The following SLC25A48 variants were observed in gnomAD, a reference collection of about 807,000 sequenced individuals.
SLC25A48 encodes CTC-321K16.1.
Under a neutral mutation model 32.2 loss-of-function variants are expected in SLC25A48, and 29 were observed. The observed-to-expected ratio is 0.90, with a 90% CI of 0.67 to 1.23. The LOEUF (loss-of-function observed/expected upper bound fraction) is 1.23. Among genes scored for constraint, SLC25A48 ranks in the 50% most tolerant of loss-of-function variants. The pLI is 0.00. For missense variants in SLC25A48, 399 were observed against 422.7 expected (o/e 0.94, Z 0.49); for synonymous variants, 164 against 172.3 (o/e 0.95, Z 0.38).
At chr5:135,801,968 A>C (rs1181471313) in intron 3 of SLC25A48, among the ~76,000 whole-genome samples, 1 of 151,870 alleles carries the variant, frequency 6.6e-6, no homozygotes, top group Non-Finnish European at 1.5e-5. Context: ...CAGTGGGTGT[A>C]CACCCCAATG....
At chr5:135,636,983 G>A (rs1443324715) in intron 3 of SLC25A48, among the ~76,000 whole-genome samples, 2 of 60,474 alleles carry the variant, frequency 3.3e-5, no homozygotes, top group African/African-American at 4.9e-5. Context: ...TTACGAGTAG[G>A]GTGGAAATAT....
intron 7 of SLC25A48, among the ~76,000 whole-genome samples, chr5:135,884,948 T>C (rs1238547066): frequency 6.6e-6 from 1 of 152,108 alleles, no homozygotes; most frequent in Non-Finnish European, 1.5e-5. Flanking sequence ...GAGAGAAGCA[T>C]TGCTGATCCA....
At chr5:135,657,271 A>G (rs1255366314) in intron 3 of SLC25A48, among the ~76,000 whole-genome samples, 4 of 151,882 alleles carry the variant, frequency 2.6e-5, no homozygotes, top group African/African-American at 9.7e-5. Context: ...CCAAATACAC[A>G]AAGTTTTCTT....
chr5:135,692,818 GC>G (rs1754177674), intron 3 of SLC25A48, among the ~76,000 whole-genome samples: 1 of 152,228 alleles, frequency 6.6e-6, no homozygotes, highest in African/African-American at 2.4e-5. Context: ...AATTAAACCT[GC>G]CACTCAACTA....
chr5:135,637,884 C>G (rs954639808), intron 3 of SLC25A48, among the ~76,000 whole-genome samples: 1 of 152,126 alleles, frequency 6.6e-6, no homozygotes, highest in Non-Finnish European at 1.5e-5. Flanking sequence ...AGCTCAAGTA[C>G]TTTGATTCCT....
At chr5:135,732,421 T>C (rs1755248047) in intron 3 of SLC25A48, among the ~76,000 whole-genome samples, 1 of 152,204 alleles carries the variant, frequency 6.6e-6, no homozygotes, top group South Asian at 2.1e-4. Context: ...TGATAGTGTC[T>C]ACCCAGACCA....
chr5:135,769,254 A>C (rs1756333695), intron 3 of SLC25A48, among the ~76,000 whole-genome samples: 1 of 50,384 alleles, frequency 2.0e-5, no homozygotes, highest in African/African-American at 4.7e-5. Flanking sequence ...TTTTGTTTGC[A>C]ATATTGGGGG....
rs1752515377 is a variant in SLC25A48 at position 135,629,812 on chromosome 5, T to G, written c.-709+436T>G. On this transcript the variant is annotated intron_variant, in intron 2 of 10. Coordinates refer to the SLC25A48 transcript ENST00000646290. The surrounding 1 kb of genome is among the most constrained non-coding windows in gnomAD (Gnocchi z 4.8). The stretch of plus-strand genomic sequence containing the variant: ...ACTCTCCAGCACTTCTGGCCTGCTC[T>G]GCACATGGGCTGAGTGGGCCCATTG... Among the ~76,000 whole-genome samples the G allele has an allele frequency of 6.6e-6, 1 of 152,188 alleles. No individual in the cohort carries two copies. The highest frequency in any genetic ancestry group is 2.1e-4 in the South Asian group (1 of 4,828).
At chr5:135,725,644 G>A (rs753998742) in intron 3 of SLC25A48, among the ~76,000 whole-genome samples, 36 of 152,038 alleles carry the variant, frequency 2.4e-4, no homozygotes, top group Non-Finnish European at 4.9e-4. Context: ...TTTCCCTCTC[G>A]TGGGCTCCTG....
At chr5:135,675,890 G>A (rs752636709) in intron 3 of SLC25A48, among the ~76,000 whole-genome samples, 3 of 151,942 alleles carry the variant, frequency 2.0e-5, no homozygotes, top group Non-Finnish European at 2.9e-5. Flanking sequence ...TCAGTGTTTT[G>A]TAGTTTTCCT....
At chr5:135,619,988 G>T (rs1752284990) in intron 1 of SLC25A48, among the ~76,000 whole-genome samples, 1 of 152,208 alleles carries the variant, frequency 6.6e-6, no homozygotes, top group African/African-American at 2.4e-5. Context: ...TGGCTTGCTT[G>T]GGTGCCAGAA....
At chr5:135,674,648 C>T (rs1187394564) in intron 3 of SLC25A48, among the ~76,000 whole-genome samples, 1 of 151,840 alleles carries the variant, frequency 6.6e-6, no homozygotes, top group African/African-American at 2.4e-5. Context: ...CAGTTCTGAC[C>T]ATGTTGCTGT....
intron 4 of SLC25A48, among the ~76,000 whole-genome samples, chr5:135,868,321 G>C (rs1430900018): frequency 6.6e-6 from 1 of 152,140 alleles, no homozygotes; most frequent in Non-Finnish European, 1.5e-5. Flanking sequence ...AAGCAGAGGG[G>C]TTGTGTACTC....
At chr5:135,833,279 T>C (rs1277018208), upstream of SLC25A48, among the ~76,000 whole-genome samples, 1 of 152,260 alleles carries the variant, frequency 6.6e-6, no homozygotes, top group African/African-American at 2.4e-5. Context: ...CATCCTGGGC[T>C]GCCAGGGACA....
chr5:135,764,547 C>T (rs1230318919), intron 3 of SLC25A48, among the ~76,000 whole-genome samples: 2 of 150,792 alleles, frequency 1.3e-5, no homozygotes, highest in Non-Finnish European at 3.0e-5. Flanking sequence ...TGATATTGTT[C>T]GTAATATCCA....
chr5:135,756,296 T>A (rs1755901941), intron 3 of SLC25A48, among the ~76,000 whole-genome samples: 3 of 122,272 alleles, frequency 2.5e-5, no homozygotes, highest in Non-Finnish European at 6.1e-5. Context: ...ATCATCTTTG[T>A]GATATTTATA....
At chr5:135,879,275 G>A (rs1263411601) in intron 6 of SLC25A48, among the ~76,000 whole-genome samples, 1 of 152,094 alleles carries the variant, frequency 6.6e-6, no homozygotes, top group Non-Finnish European at 1.5e-5. Context: ...GTTAATACAT[G>A]CTTGTACTGT....
chr5:135,795,404 G>A (rs981444557), intron 3 of SLC25A48, among the ~76,000 whole-genome samples: 1 of 151,856 alleles, frequency 6.6e-6, no homozygotes, highest in Non-Finnish European at 1.5e-5. Flanking sequence ...CGCAGGGGGT[G>A]TACACTCTTC....
intron 1 of SLC25A48, among the ~76,000 whole-genome samples, chr5:135,615,381 T>C (rs1752162357): frequency 6.6e-6 from 1 of 152,202 alleles, no homozygotes; most frequent in South Asian, 2.1e-4. Flanking sequence ...GGAGCAAAGG[T>C]CACTTTTGTT....
Sources: allele counts gnomAD v4.1 joint callset (sites outside exome capture counted in the v4.1 genomes callset), GRCh38; gene constraint gnomAD v4.1.1; non-coding constraint Gnocchi (gnomAD v3.1); transcripts MANE v1.5; gene names NCBI Gene and HGNC (gene_info 2026-07-23, HGNC 2026-07-21).